Variants in ARID4B observed in about 807,000 individuals in gnomAD.
ARID4B encodes the protein AT-rich interactive domain-containing protein 4B.
A neutral mutation model predicts 147.5 loss-of-function variants in ARID4B; 26 were observed. That is an observed-to-expected ratio of 0.18 (90% CI 0.13 to 0.24). ARID4B has a LOEUF of 0.24. Ranked by LOEUF, ARID4B falls within the 10% of genes least tolerant of loss-of-function variation. ARID4B has a pLI of 1.00. For synonymous variants in ARID4B, 512 were observed against 507.9 expected (o/e 1.01, Z -0.11); for missense variants, 1,179 against 1,511.5 (o/e 0.78, Z 3.65).
At chr1:235,198,822 G>A (rs1460409531) in intron 17 of ARID4B, among the ~76,000 whole-genome samples, 2 of 152,176 alleles carry the variant, frequency 1.3e-5, no homozygotes, top group Admixed American at 6.5e-5. Flanking sequence ...TCATGGGGCC[G>A]GGCGCAGTGG....
chr1:235,325,165 GAAGTT>G (rs1675133816), intron 2 of ARID4B, among the ~76,000 whole-genome samples: 1 of 152,074 alleles, frequency 6.6e-6, no homozygotes, highest in Non-Finnish European at 1.5e-5. Flanking sequence ...GTACTTGTAT[GAAGTT>G]AGAAATTTAT....
At chr1:235,172,034 A>G (rs757850008) in intron 23 of ARID4B, among the ~76,000 whole-genome samples, 2 of 152,180 alleles carry the variant, frequency 1.3e-5, no homozygotes, top group Admixed American at 6.5e-5. Flanking sequence ...AACCCATCCA[A>G]TCACTACCTT....
At chr1:235,304,929 T>A (rs1223990570) in intron 2 of ARID4B, among the ~76,000 whole-genome samples, 2 of 152,120 alleles carry the variant, frequency 1.3e-5, no homozygotes, top group Non-Finnish European at 2.9e-5. Flanking sequence ...TTTGCCACAC[T>A]AAGGAAACTC....
intron 18 of ARID4B, 127 bp from the exon 19 acceptor site, chr1:235,194,338 T>A (rs1571942892): frequency 1.3e-6 from 1 of 780,916 alleles, no homozygotes; most frequent in Non-Finnish European, 2.0e-6. Flanking sequence ...AGAAAGAACA[T>A]AAGAAGCCCC....
chr1:235,195,496 G>A (rs1043525064), intron 18 of ARID4B, among the ~76,000 whole-genome samples: 1 of 151,996 alleles, frequency 6.6e-6, no homozygotes, highest in Non-Finnish European at 1.5e-5. Context: ...GGGAGGCTGA[G>A]GCATGAGAAT....
intron 2 of ARID4B, among the ~76,000 whole-genome samples, chr1:235,284,519 A>T (rs1671854216): frequency 6.6e-6 from 1 of 152,052 alleles, no homozygotes. Flanking sequence ...TGTGATTATG[A>T]CCTAGTATTT....
At chr1:235,245,469 T>C (rs1367620680) in intron 7 of ARID4B, among the ~76,000 whole-genome samples, 4 of 152,132 alleles carry the variant, frequency 2.6e-5, no homozygotes, top group South Asian at 2.1e-4. Flanking sequence ...CGTAAAAATA[T>C]GTCTAAATAC....
intron 19 of ARID4B, among the ~76,000 whole-genome samples, chr1:235,187,382 C>T (rs555130596): frequency 1.1e-4 from 16 of 152,312 alleles, no homozygotes; most frequent in African/African-American, 3.6e-4. Flanking sequence ...CCGTGCCCAG[C>T]TTATTCTTGT....
chr1:235,175,394 T>G lies in ARID4B; in HGVS notation c.3454A>C (p.Ser1152Arg). 1.2e-6 allele frequency: 2 copies of G among 1,606,782 alleles called. No individual in the cohort carries two copies. The highest frequency in any genetic ancestry group is 1.7e-6 in the Non-Finnish European group (2 of 1,175,526). The part of the protein sequence containing the change: ...NNKKKGKGTN[S>R]SDSEELSAGE... ...GCTGAAAGTTCTTCACTATCACTAC[T>G]ATTTGCTGAAAGAGAAAGAAAAGAT... Residue 1152 changes from serine (S) to arginine (R), a missense_variant, in exon 22 of 24, where the codon AGT becomes CGT. By Grantham distance (110) the Ser-to-Arg change is moderately radical (BLOSUM62 -1). Coordinates refer to ENST00000264183, the MANE Select transcript of ARID4B (RefSeq NM_016374.6).
Position 235,182,138 on chromosome 1 carries a change from G to A in ARID4B, c.2781C>T (p.Val927=). ...QNSRAKDRKD[V]WSSIQGQWPK... ...GCCACTGTCCCTGAATACTTGACCA[G>A]ACATCTTTTCGATCTTTGGCCCTGC... Residue 927 remains valine (V), a synonymous_variant, in exon 20 of 24, where the codon GTC becomes GTT. Transcript: ENST00000264183. The A allele has an allele frequency of 6.2e-7, 1 of 1,614,110 alleles. No individual in the cohort carries two copies. The highest frequency in any genetic ancestry group is 1.1e-5 in the South Asian group (1 of 91,078).
intron 19 of ARID4B, among the ~76,000 whole-genome samples, chr1:235,187,905 T>C (rs1664803388): frequency 1.3e-5 from 2 of 152,162 alleles, no homozygotes; most frequent in Admixed American, 1.3e-4. Flanking sequence ...TGGGAAAGGA[T>C]CAAAATGTCT....
intron 2 of ARID4B, among the ~76,000 whole-genome samples, chr1:235,284,026 C>T (rs1168198937): frequency 2.0e-5 from 3 of 152,104 alleles, no homozygotes; most frequent in African/African-American, 7.2e-5. Context: ...TCTGAACCAC[C>T]ACGCCCAGCC....
chr1:235,300,836 A>C (rs1673072047), intron 2 of ARID4B, among the ~76,000 whole-genome samples: 1 of 151,858 alleles, frequency 6.6e-6, no homozygotes, highest in African/African-American at 2.4e-5. Context: ...CAGCCTCCCG[A>C]GTAGCTGGGA....
At chr1:235,202,151 T>A (rs1351816630) in intron 17 of ARID4B, among the ~76,000 whole-genome samples, 1 of 151,832 alleles carries the variant, frequency 6.6e-6, no homozygotes, top group Admixed American at 6.6e-5. Flanking sequence ...AGGAAATAAA[T>A]TAATTTTGCA....
rs919990443 is a variant in ARID4B at position 235,327,804 on chromosome 1, A to G, written c.-85T>C. 1.3e-5 allele frequency: 2 copies of G among 152,758 alleles called. No homozygotes were observed. Among genetic ancestry groups the G allele is most frequent in the Non-Finnish European group, 2.9e-5 (2 of 68,452 alleles). The allele number at this position is 152,758 out of a possible 1,614,324, so 9.5% of individuals were successfully genotyped here. ...GGCGAGATCTGACCCTGGCACGTCCAGAGTCCCCTCTCTCCTTCTCCCCCC... is the reference window on the plus strand; with the variant it reads ...GGCGAGATCTGACCCTGGCACGTCCGGAGTCCCCTCTCTCCTTCTCCCCCC... On this transcript the variant is annotated 5_prime_UTR_variant, in exon 1 of 24. Transcript: ENST00000264183.
At chr1:235,281,804 G>A (rs889869551) in intron 2 of ARID4B, among the ~76,000 whole-genome samples, 1 of 152,180 alleles carries the variant, frequency 6.6e-6, no homozygotes, top group African/African-American at 2.4e-5. Context: ...AGGGAGGCTG[G>A]TGAATGTATT....
chr1:235,170,935 C>CA (rs1553278217), intron 23 of ARID4B, among the ~76,000 whole-genome samples: 206 of 132,608 alleles, frequency 1.6e-3, no homozygotes, highest in African/African-American at 5.8e-3. Flanking sequence ...AAAAAAAAAA[C>CA]CACACACACA....
chr1:235,189,905 A>T (rs1664973480), intron 19 of ARID4B: 1 of 154,170 alleles, frequency 6.5e-6, no homozygotes, highest in Admixed American at 6.6e-5. Flanking sequence ...AAAATTAAAA[A>T]GGAGAGAACA....
At chr1:235,322,337 C>T (rs1674900434) in intron 2 of ARID4B, among the ~76,000 whole-genome samples, 1 of 152,084 alleles carries the variant, frequency 6.6e-6, no homozygotes, top group South Asian at 2.1e-4. Flanking sequence ...TTTTCGACTC[C>T]CTCACTCAGC....
Sources: gnomAD v4.1 joint callset for allele counts (sites outside exome capture counted in the v4.1 genomes callset) on GRCh38, gnomAD v4.1.1 for gene constraint, MANE v1.5 for transcripts, NCBI Gene and HGNC (gene_info 2026-07-23, HGNC 2026-07-21) for gene names.